DYRK4: variants seen among roughly 807,000 people sequenced by gnomAD.
The protein encoded by DYRK4 is dual specificity tyrosine phosphorylation regulated kinase 4, also known as dual specificity tyrosine-phosphorylation-regulated kinase 4.
DYRK4 carries 64 observed loss-of-function variants against 68.3 expected under a neutral mutation model. That is an observed-to-expected ratio of 0.94 (90% CI 0.77 to 1.15). The LOEUF is 1.15. Ranked by LOEUF, DYRK4 falls within the 50% of genes most tolerant of loss-of-function variation. DYRK4 has a pLI of 0.00. For missense variants in DYRK4, 740 were observed against 764.7 expected, an observed-to-expected ratio of 0.97 and a Z score of 0.38; for synonymous variants, 274 against 289.9, an observed-to-expected ratio of 0.95 and a Z score of 0.56.
intron 2 of DYRK4, among the ~76,000 whole-genome samples, chr12:4,574,728 GT>G (rs896248943): frequency 2.0e-5 from 3 of 151,986 alleles, no homozygotes; most frequent in African/African-American, 7.3e-5. Flanking sequence ...TTATTGAAAA[GT>G]TTTTTTTAGA....
intron 9 of DYRK4, 105 bp downstream of exon 9, chr12:4,599,271 T>TAA: frequency 8.6e-6 from 2 of 232,592 alleles, no homozygotes; most frequent in Non-Finnish European, 1.2e-5. Flanking sequence ...TGCCTTTGAC[T>TAA]TTTTTTTTTT....
At chr12:4,577,220 T>G (rs568577291) in intron 2 of DYRK4, among the ~76,000 whole-genome samples, 1 of 152,350 alleles carries the variant, frequency 6.6e-6, no homozygotes, top group South Asian at 2.1e-4. Flanking sequence ...TTTTTGTGGA[T>G]GTCCAATTGT....
intron 2 of DYRK4, among the ~76,000 whole-genome samples, chr12:4,575,410 G>A (rs997496764): frequency 7.2e-5 from 11 of 151,990 alleles, no homozygotes; most frequent in Admixed American, 7.2e-4. Flanking sequence ...TCGGGATCAA[G>A]CAATTTTCCT....
chr12:4,590,342 A>G lies in DYRK4; in HGVS notation c.226A>G (p.Thr76Ala). The change falls in exon 4 of 15, where the codon ACT (threonine) becomes GCT (alanine). Residue 76 changes from threonine to alanine, a missense_variant. Coordinates refer to ENST00000543431, the MANE Select transcript of DYRK4 (RefSeq NM_001394779.1). ...TQVFHKNTSV[T>A]SLPFVDTKGK... ...TCTCCTTCTACAGAACACCAGTGTT[A>G]CTTCACTCCCCTTTGTGGACACCAA... 1 of 1,535,210 alleles carries G rather than the reference A, an allele frequency of 6.5e-7. No homozygotes were observed. The highest frequency in any genetic ancestry group is 1.2e-5 in the South Asian group (1 of 83,806).
Position 4,613,870 on chromosome 12 carries a change from A to T in DYRK4, c.*117A>T. 7.7e-7 allele frequency: 1 copy of T among 1,294,080 alleles called. No homozygotes were observed. Among genetic ancestry groups the T allele is most frequent in the Non-Finnish European group, 1.0e-6 (1 of 996,624 alleles). The allele number at this position is 1,294,080 out of a possible 1,614,324, so 80.2% of individuals were successfully genotyped here. ...AATACATAAAACTTTATGTTAAAAA[A>T]CTCTATTAACATGGCCAATTGGCAT... On this transcript the variant is annotated 3_prime_UTR_variant, in exon 15 of 15. Transcript: ENST00000543431. The surrounding 1 kb of genome is among the most constrained non-coding windows in gnomAD (Gnocchi z 4.0).
intron 13 of DYRK4, among the ~76,000 whole-genome samples, chr12:4,611,547 T>C (rs1945221114): frequency 6.6e-6 from 1 of 152,196 alleles, no homozygotes; most frequent in Admixed American, 6.5e-5. Flanking sequence ...TCAATAGGCA[T>C]AAATGTAAAG....
In DYRK4 at chr12:4,590,311, G is replaced by A; in HGVS notation, c.214-19G>A. 1 of 1,526,898 alleles carries A rather than the reference G, an allele frequency of 6.5e-7. No individual in the cohort carries two copies. The highest frequency in any genetic ancestry group is 1.2e-5 in the South Asian group (1 of 81,942). 94.6% of individuals were successfully genotyped at this position (1,526,898 alleles called of 1,614,324 possible). A position where few individuals can be genotyped will look rare whatever the true frequency, so the allele number is the denominator to read the frequency against. On this transcript the variant is annotated intron_variant, in intron 3 of 14. Transcript: ENST00000543431. ...CTTGCCTAAGGCTTTTGTAACACAT[G>A]CAATTTCTCCTTCTACAGAACACCA...
intron 2 of DYRK4, chr12:4,573,367 G>C: frequency 7.8e-7 from 1 of 1,289,536 alleles, no homozygotes; most frequent in South Asian, 1.2e-5. Flanking sequence ...GTAAGTACCA[G>C]TTCCTTTGTT....
rs1449279881 is a variant in DYRK4, at chr12:4,599,608, A to T, written c.1045-99A>T. On this transcript the variant is annotated intron_variant, in intron 9 of 14. Transcript: ENST00000543431. ...TGGGAGGATGCCCATGGAGGTGGTC[A>T]TATTTGAACTGGGCCCTGAAGGATG... 4.9e-6 allele frequency: 4 copies of T among 810,084 alleles called. No homozygotes were observed. The African/African-American group carries it at 6.9e-5, about 14-fold the overall frequency. The allele number at this position is 810,084 out of a possible 1,614,324, so 50.2% of individuals were successfully genotyped here.
intron 2 of DYRK4, chr12:4,573,076 G>T (rs899200679): frequency 9.0e-6 from 3 of 335,116 alleles, no homozygotes. Flanking sequence ...GTTCTGTCTA[G>T]GTTTTTAGGT....
intron 2 of DYRK4, among the ~76,000 whole-genome samples, chr12:4,575,094 T>C (rs1944773668): frequency 6.6e-6 from 1 of 152,222 alleles, no homozygotes; most frequent in African/African-American, 2.4e-5. Flanking sequence ...TAGGCATTTC[T>C]AAGATGTATT....
intron 12 of DYRK4, among the ~76,000 whole-genome samples, chr12:4,607,782 T>C (rs79821287): frequency 0.022 from 3,397 of 152,320 alleles, 101 homozygotes; most frequent in South Asian, 0.11. Flanking sequence ...ATTTCAAGAA[T>C]AGTGGAAAAT....
At chr12:4,603,283 C>A in intron 10 of DYRK4, 1 of 889,958 alleles carries the variant, frequency 1.1e-6, no homozygotes, top group Non-Finnish European at 1.8e-6. Flanking sequence ...GGTTAATATT[C>A]TCTTCCTTCT....
chr12:4,595,020 C>G (rs1945001278), intron 6 of DYRK4, among the ~76,000 whole-genome samples: 1 of 152,188 alleles, frequency 6.6e-6, no homozygotes, highest in Non-Finnish European at 1.5e-5. Context: ...TCAAAGTTGA[C>G]TTGCGAACGA....
chr12:4,591,194 A>C lies in DYRK4; in HGVS notation c.359A>C (p.Glu120Ala). The C allele has an allele frequency of 6.2e-7, 1 of 1,614,144 alleles. No individual in the cohort carries two copies. Among genetic ancestry groups the C allele is most frequent in the Non-Finnish European group, 8.5e-7 (1 of 1,180,022 alleles). ...GCTCACAATCAGATGCCGGCCTCAGAGCTCAAGGCTTCAGAAATACCTTTC... is the reference window on the plus strand; with the variant it reads ...GCTCACAATCAGATGCCGGCCTCAGCGCTCAAGGCTTCAGAAATACCTTTC... ...NQAHNQMPASELKASEIPFHP... is the reference protein window; with the variant it reads ...NQAHNQMPASALKASEIPFHP... Residue 120 changes from glutamate to alanine, a missense_variant, in exon 5 of 15, where the codon GAG (glutamate) becomes GCG (alanine). Coordinates refer to ENST00000543431, the MANE Select transcript of DYRK4 (RefSeq NM_001394779.1). The surrounding 1 kb of genome is among the most constrained non-coding windows in gnomAD (Gnocchi z 4.1).
intron 10 of DYRK4, chr12:4,602,172 T>G (rs1316501227): frequency 1.4e-6 from 1 of 724,368 alleles, no homozygotes; most frequent in Non-Finnish European, 2.5e-6. Context: ...TGAACTTATT[T>G]TTCAGAAAAG....
chr12:4,605,729 GTTTTTTTTTTTTT>G (rs58963826), intron 11 of DYRK4, among the ~76,000 whole-genome samples: 1,687 of 102,156 alleles, frequency 0.017, 79 homozygotes, highest in African/African-American at 0.058. Flanking sequence ...ATAGAGCTGG[GTTTTTTTTTTTTT>G]TTTTTTTTTT....
intron 2 of DYRK4, among the ~76,000 whole-genome samples, chr12:4,578,400 C>G (rs1480329972): frequency 1.3e-5 from 2 of 152,068 alleles, no homozygotes; most frequent in Non-Finnish European, 2.9e-5. Context: ...TAAGCCCATT[C>G]ATTTGGTTTT....
chr12:4,590,624 C>A, intron 4 of DYRK4, 184 bp downstream of exon 4: 2 of 1,281,736 alleles, frequency 1.6e-6, no homozygotes, highest in Non-Finnish European at 2.0e-6. Context: ...TTGACCTTTT[C>A]TTAGCTACAA....
Sources: gnomAD v4.1 joint callset for allele counts (sites outside exome capture counted in the v4.1 genomes callset) on GRCh38, gnomAD v4.1.1 for gene constraint, Gnocchi (gnomAD v3.1) non-coding constraint, MANE v1.5 for transcripts, NCBI Gene and HGNC (gene_info 2026-07-23, HGNC 2026-07-21) for gene names.